The following TCF15 variants were observed in gnomAD, a reference collection of about 807,000 sequenced individuals.
The protein encoded by TCF15 is transcription factor 15, also known as TCF-15.
A neutral mutation model predicts 11.1 loss-of-function variants in TCF15; 7 were observed. The ratio of observed to expected loss-of-function variants is 0.63; its 90% CI spans 0.36 to 1.19. The LOEUF is 1.19. Among genes scored for constraint, TCF15 ranks in the 50% most tolerant of loss-of-function variants. The pLI is 0.02. For missense variants in TCF15, 288 were observed against 289.4 expected (o/e 1.00, Z 0.03); for synonymous variants, 144 against 138.9 (o/e 1.04, Z -0.26).
Position 609,827 on chromosome 20 carries a change from C to T in TCF15, c.411G>A (p.Gly137=), listed in dbSNP as rs1187382023. The change falls in exon 1 of 2, where the codon GGG becomes GGA. Residue 137 remains glycine, a synonymous_variant. Transcript: ENST00000246080. The surrounding 1 kb of genome is among the most constrained non-coding windows in gnomAD (Gnocchi z 4.7). The part of the protein sequence containing the change: ...VLLLGDSADD[G]QPCFRAAGSA... The stretch of plus-strand genomic sequence containing the variant: ...TGCCCGCGGCACGGAAGCACGGCTG[C>T]CCGTCGTCGGCCGAGTCGCCCAGCA... The T allele has an allele frequency of 6.6e-7, 1 of 1,516,676 alleles. No homozygotes were observed. The highest frequency in any genetic ancestry group is 1.2e-5 in the South Asian group (1 of 80,332). The allele number at this position is 1,516,676 out of a possible 1,614,324, so 94.0% of individuals were successfully genotyped here.
intron 1 of TCF15, among the ~76,000 whole-genome samples, chr20:607,306 C>T (rs1176396296): frequency 6.6e-6 from 1 of 152,178 alleles, no homozygotes; most frequent in Non-Finnish European, 1.5e-5. Context: ...GAGGGCCACA[C>T]CTAACCCCTC....
intron 1 of TCF15, among the ~76,000 whole-genome samples, chr20:606,780 T>G (rs13037757): frequency 0.31 from 46,032 of 149,658 alleles, 8,919 homozygotes; most frequent in Non-Finnish European, 0.44. Context: ...ATCGTGCCAC[T>G]GTACTCCAGC....
intron 1 of TCF15, among the ~76,000 whole-genome samples, chr20:608,857 G>C (rs2019998089): frequency 6.6e-6 from 1 of 152,188 alleles, no homozygotes; most frequent in Non-Finnish European, 1.5e-5. Context: ...AAGGCACACG[G>C]TCGGGGGATG....
chr20:605,415 C>T (rs1198307016), intron 1 of TCF15, among the ~76,000 whole-genome samples: 1 of 152,176 alleles, frequency 6.6e-6, no homozygotes, highest in Non-Finnish European at 1.5e-5. Flanking sequence ...GGTCTTGTCT[C>T]CCTGGAAAGG....
chr20:604,436 C>G lies in TCF15; in HGVS notation c.*155G>C. 1.3e-5 allele frequency: 9 copies of G among 693,712 alleles called. No individual in the cohort carries two copies. The South Asian group carries it at 1.5e-4, about 12-fold the overall frequency. The allele number at this position is 693,712 out of a possible 1,614,324, so 43.0% of individuals were successfully genotyped here. A position where few individuals can be genotyped will look rare whatever the true frequency, so the allele number is the denominator to read the frequency against. On this transcript the variant is annotated 3_prime_UTR_variant, in exon 2 of 2. Transcript: ENST00000246080. The surrounding 1 kb of genome is among the most constrained non-coding windows in gnomAD (Gnocchi z 4.2). ...ATGGATCCTCACAGCTCTCCAGGAT[C>G]GGGTGGAGATGTCCCGAGGGCCCTG...
chr20:608,608 G>A (rs896652168), intron 1 of TCF15, among the ~76,000 whole-genome samples: 1 of 152,192 alleles, frequency 6.6e-6, no homozygotes, highest in Non-Finnish European at 1.5e-5. Flanking sequence ...CCAGACAGAG[G>A]GTGGTCTCAG....
chr20:610,108 G>A lies in TCF15; in HGVS notation c.130C>T (p.Pro44Ser), dbSNP rs2020011739. The change falls in exon 1 of 2, where the codon CCG becomes TCG. Residue 44 changes from proline (P) to serine (S), a missense_variant. Coordinates refer to ENST00000246080, the MANE Select transcript of TCF15 (RefSeq NM_004609.4). Reference sequence around the variant, plus strand: ...CCCGGGCCGCGCCGCGCCGCCTCCGGGCCCTCGCAGCAGCCGAACGACTGG... The same window carrying A: ...CCCGGGCCGCGCCGCGCCGCCTCCGAGCCCTCGCAGCAGCCGAACGACTGG... ...SDQSFGCCEG[P>S]EAARRGPGPG... 1.0e-6 allele frequency: 1 copy of A among 1,003,712 alleles called. No homozygotes were observed. Among genetic ancestry groups the A allele is most frequent in the Non-Finnish European group, 1.2e-6 (1 of 840,570 alleles). 62.2% of individuals were successfully genotyped at this position (1,003,712 alleles called of 1,614,324 possible). A position where few individuals can be genotyped will look rare whatever the true frequency, so the allele number is the denominator to read the frequency against.
Position 609,794 on chromosome 20 carries a change from C to T in TCF15, c.444G>A (p.Lys148=), listed in dbSNP as rs1015443754. The T allele has an allele frequency of 6.8e-7, 1 of 1,475,348 alleles. No individual in the cohort carries two copies. Among genetic ancestry groups the T allele is most frequent in the Non-Finnish European group, 8.9e-7 (1 of 1,123,402 alleles). 91.4% of individuals were successfully genotyped at this position (1,475,348 alleles called of 1,614,324 possible). A position where few individuals can be genotyped will look rare whatever the true frequency, so the allele number is the denominator to read the frequency against. The change falls in exon 1 of 2, where the codon AAG becomes AAA. Residue 148 remains lysine (K), a synonymous_variant. Transcript: ENST00000246080. This position sits in a 1 kb window ranked among gnomAD's most constrained non-coding sequence, Gnocchi z 4.7. ...CGTCGGCGGCGGCGGGGACGGCGCC[C>T]TTGGCACTGCCCGCGGCACGGAAGC... ...QPCFRAAGSA[K]GAVPAAADGG...
In TCF15 at chr20:609,766, C is replaced by A; in HGVS notation, c.472G>T (p.Gly158Cys). The change falls in exon 1 of 2, where the codon GGC becomes TGC. Residue 158 changes from glycine to cysteine, a missense_variant. Transcript: ENST00000246080. The surrounding 1 kb of genome is among the most constrained non-coding windows in gnomAD (Gnocchi z 4.7). ...KGAVPAAADG[G>C]RQPRSICTFC... ...GTGCAGATGGAGCGCGGCTGGCGGCCGCCGTCGGCGGCGGCGGGGACGGCG... is the reference window on the plus strand; with the variant it reads ...GTGCAGATGGAGCGCGGCTGGCGGCAGCCGTCGGCGGCGGCGGGGACGGCG... The A allele has an allele frequency of 7.1e-7, 1 of 1,407,630 alleles. No homozygotes were observed. The allele number at this position is 1,407,630 out of a possible 1,614,324, so 87.2% of individuals were successfully genotyped here.
intron 1 of TCF15, among the ~76,000 whole-genome samples, chr20:608,103 C>A (rs2122241235): frequency 6.6e-6 from 1 of 152,264 alleles, no homozygotes; most frequent in East Asian, 1.9e-4. Flanking sequence ...CTAAAGCATC[C>A]TTCAGAAATG....
rs779960563 is a variant in TCF15 at position 610,020 on chromosome 20, T to C, written c.218A>G (p.Gln73Arg). The C allele has an allele frequency of 3.2e-5, 42 of 1,321,382 alleles. No individual in the cohort carries two copies. Among genetic ancestry groups the C allele is most frequent in the Admixed American group, 1.4e-4 (5 of 35,192 alleles). The allele number at this position is 1,321,382 out of a possible 1,614,324, so 81.9% of individuals were successfully genotyped here. Reference sequence around the variant, plus strand: ...CTCCCGCGCGTTGGCCGCCTGCCGCTGTCGCACCACCACCACGGGGCCCGC... The same window carrying C: ...CTCCCGCGCGTTGGCCGCCTGCCGCCGTCGCACCACCACCACGGGGCCCGC... ...GGAGPVVVVR[Q>R]RQAANARERD... The change falls in exon 1 of 2, where the codon CAG becomes CGG. Residue 73 changes from glutamine to arginine, a missense_variant. By Grantham distance (43) the Gln-to-Arg change is conservative (BLOSUM62 1). Transcript: ENST00000246080.
At chr20:606,098 C>G (rs1294691373) in intron 1 of TCF15, among the ~76,000 whole-genome samples, 1 of 152,286 alleles carries the variant, frequency 6.6e-6, no homozygotes, top group East Asian at 1.9e-4. Context: ...CATCCAGATG[C>G]GAGCCCAGCC....
At position 604,923 on chromosome 20, in the gene TCF15, G is replaced by A. The variant is rs1413546287; in HGVS notation, c.526-258C>T. On this transcript the variant is annotated intron_variant, in intron 1 of 1. Coordinates refer to ENST00000246080, the MANE Select transcript of TCF15 (RefSeq NM_004609.4). This position sits in a 1 kb window ranked among gnomAD's most constrained non-coding sequence, Gnocchi z 4.2. ...GTGATTGCTGGGGAGAAGCACACAC[G>A]GGAAATTGTGAGTGGGTTTCTTCAG... Among the ~76,000 whole-genome samples the A allele has an allele frequency of 6.6e-6, 1 of 152,178 alleles. No individual in the cohort carries two copies. The highest frequency in any genetic ancestry group is 1.5e-5 in the Non-Finnish European group (1 of 68,044).
intron 1 of TCF15, among the ~76,000 whole-genome samples, chr20:605,595 C>T (rs999234649): frequency 1.3e-5 from 2 of 152,230 alleles, no homozygotes; most frequent in Non-Finnish European, 2.9e-5. Context: ...CATTTCCAGC[C>T]TGGGCTCTCT....
Position 610,153 on chromosome 20 carries a change from TG to T in TCF15, c.84del (p.Ser29AlafsTer60). Reference protein sequence around the residue: ...VRLLSEDEENRSESDASDQSF... With the variant: ...VRLLSEDEENXSESDASDQSF... Reference sequence around the variant, plus strand: ...GACTGGTCCGACGCGTCGCTCTCGCTGCGGTTCTCCTCGTCCTCGCTCAGCA... The same window carrying T: ...GACTGGTCCGACGCGTCGCTCTCGCTCGGTTCTCCTCGTCCTCGCTCAGCA... On this transcript the variant is annotated frameshift_variant, in exon 1 of 2. Coordinates refer to ENST00000246080, the MANE Select transcript of TCF15 (RefSeq NM_004609.4). LOFTEE classifies it high-confidence loss of function. 9.6e-7 allele frequency: 1 copy of T among 1,042,552 alleles called. No homozygotes were observed. Among genetic ancestry groups the T allele is most frequent in the South Asian group, 2.9e-5 (1 of 34,002 alleles). The allele number at this position is 1,042,552 out of a possible 1,614,324, so 64.6% of individuals were successfully genotyped here.
In TCF15 at chr20:610,119, C is replaced by T; in HGVS notation, c.119G>A (p.Cys40Tyr). The T allele has an allele frequency of 9.9e-7, 1 of 1,014,274 alleles. No individual in the cohort carries two copies. Among genetic ancestry groups the T allele is most frequent in the Non-Finnish European group, 1.2e-6 (1 of 845,868 alleles). 62.8% of individuals were successfully genotyped at this position (1,014,274 alleles called of 1,614,324 possible). Reference sequence around the variant, plus strand: ...CCGCGCCGCCTCCGGGCCCTCGCAGCAGCCGAACGACTGGTCCGACGCGTC... The same window carrying T: ...CCGCGCCGCCTCCGGGCCCTCGCAGTAGCCGAACGACTGGTCCGACGCGTC... ...ESDASDQSFG[C>Y]CEGPEAARRG... Residue 40 changes from cysteine (C) to tyrosine (Y), a missense_variant, in exon 1 of 2, where the codon TGC becomes TAC. Coordinates refer to ENST00000246080, the MANE Select transcript of TCF15 (RefSeq NM_004609.4).
chr20:607,625 C>G (rs2019987212), intron 1 of TCF15, among the ~76,000 whole-genome samples: 1 of 152,242 alleles, frequency 6.6e-6, no homozygotes, highest in Non-Finnish European at 1.5e-5. Flanking sequence ...AGACAGATCC[C>G]AGGGAAGCGG....
chr20:607,019 C>A (rs1012799699), intron 1 of TCF15, among the ~76,000 whole-genome samples: 2 of 152,154 alleles, frequency 1.3e-5, no homozygotes, highest in African/African-American at 4.8e-5. Context: ...GTTTCCCCCC[C>A]GTAAAGGGGA....
intron 1 of TCF15, among the ~76,000 whole-genome samples, chr20:608,526 G>A (rs1420807197): frequency 6.6e-6 from 1 of 152,226 alleles, no homozygotes; most frequent in African/African-American, 2.4e-5. Context: ...CAAGCCTGAG[G>A]CTAAGAAGAC....
Sources: gnomAD v4.1 joint callset for allele counts (sites outside exome capture counted in the v4.1 genomes callset) on GRCh38, gnomAD v4.1.1 for gene constraint, Gnocchi (gnomAD v3.1) non-coding constraint, MANE v1.5 for transcripts, NCBI Gene and HGNC (gene_info 2026-07-23, HGNC 2026-07-21) for gene names.